SPICE1: variants seen among roughly 807,000 people sequenced by gnomAD.
SPICE1 encodes the protein spindle and centriole associated protein 1.
A neutral mutation model predicts 102.7 loss-of-function variants in SPICE1; 75 were observed. The ratio of observed to expected loss-of-function variants is 0.73; its 90% CI spans 0.61 to 0.88. The LOEUF is 0.88. Ranked by LOEUF, SPICE1 falls within the 40% of genes least tolerant of loss-of-function variation. SPICE1 has a pLI of 0.00. For missense variants in SPICE1, 979 were observed against 1,020.1 expected (o/e 0.96, Z 0.55); for synonymous variants, 308 against 350.3 (o/e 0.88, Z 1.35).
chr3:113,475,509 G>C (rs1342803795), intron 7 of SPICE1, among the ~76,000 whole-genome samples: 1 of 151,992 alleles, frequency 6.6e-6, no homozygotes, highest in African/African-American at 2.4e-5. Flanking sequence ...CAATATCCTT[G>C]ATGAACATTG....
chr3:113,481,438 T>C (rs535431988), intron 7 of SPICE1, among the ~76,000 whole-genome samples: 21 of 151,444 alleles, frequency 1.4e-4, no homozygotes, highest in African/African-American at 4.9e-4. Context: ...TATTATACTT[T>C]AAGTTCTGGG....
chr3:113,482,061 C>T (rs1421355494), intron 7 of SPICE1, among the ~76,000 whole-genome samples: 1 of 152,198 alleles, frequency 6.6e-6, no homozygotes, highest in East Asian at 1.9e-4. Context: ...TGCTCCACAT[C>T]CTTTCTAGCA....
At chr3:113,460,884 T>C in intron 11 of SPICE1, 120 bp from the exon 12 acceptor site, 1 of 753,572 alleles carries the variant, frequency 1.3e-6, no homozygotes, top group Non-Finnish European at 2.0e-6. Context: ...TATCAAAGGA[T>C]ATGTATGTAT....
intron 7 of SPICE1, among the ~76,000 whole-genome samples, chr3:113,481,174 C>A (rs1224558223): frequency 6.6e-6 from 1 of 152,078 alleles, no homozygotes; most frequent in African/African-American, 2.4e-5. Flanking sequence ...AGTGCTAAAA[C>A]TAATTCAACC....
At chr3:113,474,084 G>A (rs1332968513) in intron 7 of SPICE1, among the ~76,000 whole-genome samples, 9 of 151,734 alleles carry the variant, frequency 5.9e-5, no homozygotes, top group Non-Finnish European at 1.0e-4. Context: ...ATAAAAGGAT[G>A]GAGGAAGATC....
rs532574305 is a variant in SPICE1, at chr3:113,467,962, A to G, written c.1155+177T>C. 1.1e-3 allele frequency among the ~76,000 whole-genome samples: 164 copies of G among 152,362 alleles called. 1 individual carries two copies. Among genetic ancestry groups the G allele is most frequent in the African/African-American group, 3.8e-3 (158 of 41,586 alleles). ...CACTTATCTGAGCATGTATCAACTA[A>G]CGGCAGAAAAGACTTAAAGGATAAG... On this transcript the variant is annotated intron_variant, in intron 10 of 17. Coordinates refer to ENST00000295872, the MANE Select transcript of SPICE1 (RefSeq NM_144718.4).
At chr3:113,458,422 C>G (rs568131765) in intron 12 of SPICE1, among the ~76,000 whole-genome samples, 9 of 152,326 alleles carry the variant, frequency 5.9e-5, no homozygotes, top group Non-Finnish European at 1.0e-4. Flanking sequence ...CCGTGTTGGC[C>G]GGGCTGGTCT....
intron 2 of SPICE1, among the ~76,000 whole-genome samples, chr3:113,505,816 G>T (rs1296867113): frequency 2.6e-5 from 4 of 152,116 alleles, no homozygotes; most frequent in Non-Finnish European, 4.4e-5. Context: ...TAAGGCAGGA[G>T]GATTGCTGGA....
rs150476271 is a variant in SPICE1, at chr3:113,464,581, A to G, written c.1287+1072T>C. 5.6e-3 allele frequency among the ~76,000 whole-genome samples: 857 copies of G among 152,276 alleles called. 9 individuals are homozygous for G. The highest frequency in any genetic ancestry group is 0.019 in the African/African-American group (772 of 41,554). Reference sequence around the variant, plus strand: ...TATATTATCAATTTTAAAAAATTATACATCTACATCTAATGTCCATTAACA... The same window carrying G: ...TATATTATCAATTTTAAAAAATTATGCATCTACATCTAATGTCCATTAACA... On this transcript the variant is annotated intron_variant, in intron 11 of 17. Transcript: ENST00000295872.
intron 4 of SPICE1, 92 bp downstream of exon 4, chr3:113,499,347 G>A (rs1263495238): frequency 1.3e-5 from 17 of 1,337,074 alleles, no homozygotes; most frequent in Non-Finnish European, 1.5e-5. Flanking sequence ...GTGATTACTA[G>A]AGTCTCTCCA....
intron 11 of SPICE1, among the ~76,000 whole-genome samples, 185 bp downstream of exon 11, chr3:113,465,468 C>T (rs1936030640): frequency 6.6e-6 from 1 of 152,182 alleles, no homozygotes; most frequent in Admixed American, 6.5e-5. Flanking sequence ...ATACTACTTC[C>T]AAGCTTCTAC....
chr3:113,462,832 CA>C (rs1429472866), intron 11 of SPICE1, among the ~76,000 whole-genome samples: 1 of 152,126 alleles, frequency 6.6e-6, no homozygotes, highest in Non-Finnish European at 1.5e-5. Flanking sequence ...AAACCCAAGA[CA>C]AATCACGTCT....
intron 17 of SPICE1, among the ~76,000 whole-genome samples, chr3:113,446,179 G>A (rs1349851135): frequency 6.6e-6 from 1 of 152,166 alleles, no homozygotes; most frequent in Non-Finnish European, 1.5e-5. Flanking sequence ...GGCACACAGG[G>A]ATAAAATGAG....
intron 7 of SPICE1, among the ~76,000 whole-genome samples, chr3:113,484,711 T>C (rs1936603426): frequency 6.6e-6 from 1 of 152,018 alleles, no homozygotes. Context: ...TTAATCCTGA[T>C]TTCTAATTTG....
chr3:113,450,223 A>G, intron 15 of SPICE1, 113 bp downstream of exon 15: 1 of 1,203,390 alleles, frequency 8.3e-7, no homozygotes, highest in Admixed American at 1.9e-5. Context: ...GCAAAATTGA[A>G]GGCACCAAAA....
At chr3:113,491,624 CAAAAAAAAAA>C (rs869171154) in intron 6 of SPICE1, among the ~76,000 whole-genome samples, 1,059 of 38,128 alleles carry the variant, frequency 0.028, 35 homozygotes, top group African/African-American at 0.085. Context: ...GACTCCGTCT[CAAAAAAAAAA>C]AAAAAAAAAA....
chr3:113,459,032 AAAG>A (rs1935860310), intron 12 of SPICE1, among the ~76,000 whole-genome samples: 1 of 152,216 alleles, frequency 6.6e-6, no homozygotes. Context: ...GTCTGTGTAG[AAAG>A]AAGTAGACAT....
chr3:113,471,947 TGG>T (rs1163737243), intron 7 of SPICE1, among the ~76,000 whole-genome samples: 1 of 152,116 alleles, frequency 6.6e-6, no homozygotes, highest in African/African-American at 2.4e-5. Flanking sequence ...CGCAGGACAG[TGG>T]GTGCAGTGCA....
intron 7 of SPICE1, among the ~76,000 whole-genome samples, chr3:113,483,058 G>A (rs1936551089): frequency 6.6e-6 from 1 of 152,164 alleles, no homozygotes; most frequent in South Asian, 2.1e-4. Context: ...TTTTCCATTT[G>A]TTTGTGTCGT....
Sources: gnomAD v4.1 joint callset for allele counts (sites outside exome capture counted in the v4.1 genomes callset) on GRCh38, gnomAD v4.1.1 for gene constraint, MANE v1.5 for transcripts, NCBI Gene and HGNC (gene_info 2026-07-23, HGNC 2026-07-21) for gene names.